The following EXOSC10 variants were observed in gnomAD, a reference collection of about 807,000 sequenced individuals.
EXOSC10 encodes exosome complex component 10.
A neutral mutation model predicts 126.6 loss-of-function variants in EXOSC10; 94 were observed. The ratio of observed to expected loss-of-function variants is 0.74; its 90% CI spans 0.63 to 0.88. The LOEUF (loss-of-function observed/expected upper bound fraction) is 0.88, where lower values mean the gene tolerates loss of function less well. Among genes scored for constraint, EXOSC10 ranks in the 40% least tolerant of loss-of-function variants. The pLI is 0.00. For synonymous variants in EXOSC10, 395 were observed against 400.8 expected, an observed-to-expected ratio of 0.99 and a Z score of 0.17; for missense variants, 1,041 against 1,100.5, an observed-to-expected ratio of 0.95 and a Z score of 0.77.
rs1641055878 is a variant in EXOSC10 at position 11,095,878 on chromosome 1, CATGCTA to C, written c.249-3_251del. On this transcript the variant is annotated splice_acceptor_variant and splice_polypyrimidine_tract_variant and coding_sequence_variant and intron_variant, in exon 3 of 25. Coordinates refer to ENST00000376936, the MANE Select transcript of EXOSC10 (RefSeq NM_001001998.3). LOFTEE classifies it high-confidence loss of function. ...ACCCATGGTACTGCATTACTCTGCT[CATGCTA>C]AGGAAAGGAAAACCAAGGTTAGCTT... 1 of 1,610,884 alleles carries C rather than the reference CATGCTA, an allele frequency of 6.2e-7. No individual in the cohort carries two copies. Among genetic ancestry groups the C allele is most frequent in the African/African-American group, 1.3e-5 (1 of 74,838 alleles).
chr1:11,083,976 C>T (rs1379105096), intron 9 of EXOSC10, among the ~76,000 whole-genome samples: 2 of 152,154 alleles, frequency 1.3e-5, no homozygotes, highest in Admixed American at 6.5e-5. Context: ...TTTATGGCTG[C>T]GTAGTATTCC....
intron 24 of EXOSC10, 75 bp downstream of exon 24, chr1:11,067,933 C>T (rs1340972413): frequency 3.0e-6 from 4 of 1,315,212 alleles, no homozygotes; most frequent in Non-Finnish European, 4.3e-6. Context: ...CCCAGCTACT[C>T]CCCACGGACC....
At position 11,082,326 on chromosome 1, in the gene EXOSC10, T is replaced by TAC. The variant is rs575436834; in HGVS notation, c.1280+361_1280+362insGT. Among the ~76,000 whole-genome samples the TAC allele has an allele frequency of 3.8e-3, 572 of 151,196 alleles. 3 individuals carry two copies. The highest frequency in any genetic ancestry group is 0.013 in the African/African-American group (537 of 41,388). ...CTTTCCCACCTATGGAAGGTCATCT[T>TAC]GCACACACACACACACACACAATCA... On this transcript the variant is annotated intron_variant, in intron 10 of 24. Coordinates refer to ENST00000376936, the MANE Select transcript of EXOSC10 (RefSeq NM_001001998.3).
At chr1:11,095,673 C>A (rs1458021422) in intron 3 of EXOSC10, 85 bp downstream of exon 3, 17 of 1,264,250 alleles carry the variant, frequency 1.3e-5, no homozygotes, top group Non-Finnish European at 1.8e-5. Context: ...GAGATCGCAT[C>A]ACTGCACTCC....
chr1:11,080,973 G>C (rs2273338), intron 11 of EXOSC10, 61 bp from the exon 12 acceptor site: 63,716 of 1,573,884 alleles, frequency 0.04, 2,574 homozygotes, highest in African/African-American at 0.15. Context: ...CTGGGCTCTG[G>C]AAAATGTTTG....
intron 13 of EXOSC10, 22 bp from the exon 14 acceptor site, chr1:11,079,844 C>T (rs749013495): frequency 1.2e-5 from 19 of 1,568,580 alleles, no homozygotes; most frequent in Admixed American, 1.7e-5. Flanking sequence ...TAAGAACACA[C>T]TCAACTTGTC....
rs959912637 is a variant in EXOSC10, at chr1:11,077,561, G to A, written c.1800+40C>T. ...GTACTTGCACTGGCTGTGACTTGAC[G>A]TTTTCCCTCCTGGGGGAGAAAACAG... On this transcript the variant is annotated intron_variant, in intron 15 of 24. Coordinates refer to ENST00000376936, the MANE Select transcript of EXOSC10 (RefSeq NM_001001998.3). 9 of 1,612,902 alleles carry A rather than the reference G, an allele frequency of 5.6e-6. No homozygotes were observed. In the African/African-American group the frequency reaches 8.0e-5, roughly 14 times the overall value.
intron 14 of EXOSC10, 66 bp from the exon 15 acceptor site, chr1:11,077,717 C>G (rs1639900158): frequency 1.4e-6 from 2 of 1,421,570 alleles, no homozygotes; most frequent in African/African-American, 2.8e-5. Context: ...CCCCCAGTCT[C>G]CAGCGCTGAC....
intron 3 of EXOSC10, among the ~76,000 whole-genome samples, chr1:11,093,996 C>T (rs992357693): frequency 7.2e-5 from 11 of 152,040 alleles, no homozygotes; most frequent in Admixed American, 5.2e-4. Context: ...GGGAGGATCG[C>T]TTGAGCCCAG....
chr1:11,093,198 T>C (rs17450675), intron 3 of EXOSC10, among the ~76,000 whole-genome samples: 2,586 of 152,312 alleles, frequency 0.017, 58 homozygotes, highest in Admixed American at 0.037. Flanking sequence ...CAATACTCGA[T>C]TGACTCTTTA....
rs143526730 is a variant in EXOSC10, at chr1:11,087,843, T to C, written c.902A>G (p.Asn301Ser). Residue 301 changes from asparagine (N) to serine (S), a missense_variant, in exon 8 of 25, where the codon AAC becomes AGC. Asn to Ser is a conservative substitution (Grantham distance 46). Transcript: ENST00000376936. Reference sequence around the variant, plus strand: ...TTCCTGACAATTCAAGAGCTTTTCGTTGAGTTCCACGAGTTCATCCAGGGA... The same window carrying C: ...TTCCTGACAATTCAAGAGCTTTTCGCTGAGTTCCACGAGTTCATCCAGGGA... ...ISSLDELVEL[N>S]EKLLNCQEFA... 148 of 1,613,998 alleles carry C rather than the reference T, an allele frequency of 9.2e-5. 1 individual carries two copies. In the African/African-American group the frequency reaches 1.7e-3, roughly 19 times the overall value.
intron 10 of EXOSC10, 111 bp from the exon 11 acceptor site, chr1:11,081,349 T>C (rs72871405): frequency 0.042 from 51,587 of 1,214,064 alleles, 2,198 homozygotes; most frequent in African/African-American, 0.14. Context: ...TGAAAGATCC[T>C]TTCATAGTCA....
chr1:11,069,800 A>G (rs1639352665), intron 21 of EXOSC10, 70 bp from the exon 22 acceptor site: 1 of 1,541,196 alleles, frequency 6.5e-7, no homozygotes. Flanking sequence ...CACCGGCCTC[A>G]GCAATAGCTG....
chr1:11,079,812 CCT>C lies in EXOSC10; in HGVS notation c.1646_1647del (p.Gln549ArgfsTer36). 1 of 1,611,308 alleles carries C rather than the reference CCT, an allele frequency of 6.2e-7. No individual in the cohort carries two copies. Among genetic ancestry groups the C allele is most frequent in the East Asian group, 2.2e-5 (1 of 44,792 alleles). On this transcript the variant is annotated frameshift_variant, in exon 14 of 25. Coordinates refer to ENST00000376936, the MANE Select transcript of EXOSC10 (RefSeq NM_001001998.3). LOFTEE classifies it high-confidence loss of function. Reference sequence around the variant, plus strand: ...ACTGGGTTGCAGCAAGCTATGATGCCCTGAGGTTCCCTGAAGACAAGTAAGAA... The same window carrying C: ...ACTGGGTTGCAGCAAGCTATGATGCCGAGGTTCCCTGAAGACAAGTAAGAA... ...KIAEELPKEP[Q>X]GIIACCNPVP...
chr1:11,079,841 A>G lies in EXOSC10; in HGVS notation c.1638-19T>C. ...AGGTTCCCTGAAGACAAGTAAGAAC[A>G]CACTCAACTTGTCACTCAGAAACGC... On this transcript the variant is annotated intron_variant, in intron 13 of 24. Coordinates refer to ENST00000376936, the MANE Select transcript of EXOSC10 (RefSeq NM_001001998.3). 1.3e-6 allele frequency: 2 copies of G among 1,579,050 alleles called. No individual in the cohort carries two copies. Among genetic ancestry groups the G allele is most frequent in the Non-Finnish European group, 1.7e-6 (2 of 1,153,054 alleles).
intron 4 of EXOSC10, 28 bp from the exon 5 acceptor site, chr1:11,091,207 T>A (rs776830497): frequency 6.3e-7 from 1 of 1,586,334 alleles, no homozygotes; most frequent in Non-Finnish European, 8.6e-7. Context: ...AAATACTTTA[T>A]AACACAGCAA....
intron 17 of EXOSC10, among the ~76,000 whole-genome samples, chr1:11,076,454 C>A (rs571432611): frequency 2.6e-4 from 39 of 152,324 alleles, no homozygotes; most frequent in African/African-American, 9.4e-4. Context: ...TCGGACAGTA[C>A]ACCCATGCCA....
chr1:11,092,317 C>T (rs531028593), intron 3 of EXOSC10, among the ~76,000 whole-genome samples: 5 of 152,076 alleles, frequency 3.3e-5, no homozygotes, highest in African/African-American at 9.7e-5. Flanking sequence ...CGGGTTCAAG[C>T]GATTCTCCTG....
At chr1:11,075,543 C>A (rs1639762099) in intron 17 of EXOSC10, among the ~76,000 whole-genome samples, 1 of 152,192 alleles carries the variant, frequency 6.6e-6, no homozygotes, top group South Asian at 2.1e-4. Context: ...GCTAAATCAT[C>A]TTCATGACTC....
Sources: allele counts gnomAD v4.1 joint callset (sites outside exome capture counted in the v4.1 genomes callset), GRCh38; gene constraint gnomAD v4.1.1; transcripts MANE v1.5; gene names NCBI Gene and HGNC (gene_info 2026-07-23, HGNC 2026-07-21).